The following MGAT4C variants were observed in gnomAD, a reference collection of about 807,000 sequenced individuals.
MGAT4C encodes alpha-1,3-mannosyl-glycoprotein 4-beta-N-acetylglucosaminyltransferase C.
Under a neutral mutation model 40.1 loss-of-function variants are expected in MGAT4C, and 19 were observed. The observed-to-expected ratio is 0.47, with a 90% CI of 0.33 to 0.70. The LOEUF is 0.70. MGAT4C is among the 30% of genes least tolerant of loss of function. The pLI is 0.02. For synonymous variants in MGAT4C, 181 were observed against 187.1 expected, an observed-to-expected ratio of 0.97 and a Z score of 0.27; for missense variants, 491 against 563.2, an observed-to-expected ratio of 0.87 and a Z score of 1.30.
At position 86,179,377 on chromosome 12, in the gene MGAT4C, A is replaced by G. The variant is rs565237294; in HGVS notation, c.-57+76862T>C. Among the ~76,000 whole-genome samples, 7 of 152,304 alleles carry G rather than the reference A, an allele frequency of 4.6e-5. No homozygotes were observed. In the South Asian group the frequency reaches 1.4e-3, roughly 32 times the overall value. On this transcript the variant is annotated intron_variant, in intron 1 of 4. Transcript: ENST00000611864. ...AAACAAACTAATACAGTAAGTTGGT[A>G]CCAGTAGTGGGATGTTGCTGAAAAG...
intron 4 of MGAT4C, among the ~76,000 whole-genome samples, chr12:86,328,507 A>T (rs1396393187): frequency 2.0e-5 from 3 of 152,164 alleles, no homozygotes; most frequent in Non-Finnish European, 2.9e-5. Flanking sequence ...ATAAAAATTA[A>T]TTGTATTTCT....
chr12:86,365,238 C>T (rs540839338), intron 3 of MGAT4C, among the ~76,000 whole-genome samples: 78 of 152,274 alleles, frequency 5.1e-4, no homozygotes, highest in African/African-American at 1.4e-3. Context: ...GGCTCTGTTC[C>T]GCCCGGCTCA....
intron 2 of MGAT4C, among the ~76,000 whole-genome samples, chr12:86,502,617 G>GTA (rs10550912): frequency 6.1e-5 from 9 of 146,634 alleles, no homozygotes; most frequent in Non-Finnish European, 9.0e-5. Context: ...ATATATATAT[G>GTA]TATATATATA....
At chr12:86,494,332 T>C (rs1422727263) in intron 2 of MGAT4C, among the ~76,000 whole-genome samples, 1 of 151,972 alleles carries the variant, frequency 6.6e-6, no homozygotes, top group Non-Finnish European at 1.5e-5. Context: ...TCAAATTTTA[T>C]TTGATAAAAG....
chr12:86,055,390 A>T (rs1893285058), intron 1 of MGAT4C, among the ~76,000 whole-genome samples: 1 of 152,094 alleles, frequency 6.6e-6, no homozygotes, highest in Admixed American at 6.6e-5. Flanking sequence ...TAGAGAATAT[A>T]TGAGCTGAAA....
In MGAT4C at chr12:86,603,749, T is replaced by A. The variant is rs1197082879; in HGVS notation, c.-229+123460A>T. On this transcript the variant is annotated intron_variant, in intron 2 of 7. Transcript: ENST00000548651. ...CTATATAATTATATATACTATATATTATATATAATATATAGTATAATTATA... is the reference window on the plus strand; with the variant it reads ...CTATATAATTATATATACTATATATAATATATAATATATAGTATAATTATA... 4.2e-4 allele frequency among the ~76,000 whole-genome samples: 55 copies of A among 129,842 alleles called. No individual in the cohort carries two copies. The East Asian group carries it at 0.011, about 27-fold the overall frequency. 85.2% of individuals were successfully genotyped at this position (129,842 alleles called of 152,430 possible).
At chr12:86,167,845 T>A (rs1393008076) in intron 1 of MGAT4C, among the ~76,000 whole-genome samples, 2 of 152,190 alleles carry the variant, frequency 1.3e-5, no homozygotes, top group Admixed American at 1.3e-4. Flanking sequence ...GTGAACATTT[T>A]CAATTTAAGA....
intron 1 of MGAT4C, among the ~76,000 whole-genome samples, chr12:86,727,796 G>T (rs1950847234): frequency 6.6e-6 from 1 of 151,686 alleles, no homozygotes. Context: ...TGTTCATAAT[G>T]TATTTCTATA....
At chr12:86,009,668 T>G (rs886220322) in intron 2 of MGAT4C, among the ~76,000 whole-genome samples, 6 of 152,212 alleles carry the variant, frequency 3.9e-5, no homozygotes, top group Non-Finnish European at 7.3e-5. Flanking sequence ...TTAATTCTGC[T>G]TTTCTTTTAG....
chr12:86,347,762 A>T (rs989257805), intron 3 of MGAT4C, among the ~76,000 whole-genome samples: 4 of 152,222 alleles, frequency 2.6e-5, no homozygotes, highest in African/African-American at 9.6e-5. Flanking sequence ...GACCATAAGC[A>T]TAGTCCCCAT....
At chr12:86,486,920 G>A (rs183500459) in intron 2 of MGAT4C, among the ~76,000 whole-genome samples, 18 of 152,206 alleles carry the variant, frequency 1.2e-4, no homozygotes, top group Admixed American at 3.3e-4. Context: ...TTAATCAATC[G>A]TCAAATTTTC....
At chr12:86,646,799 T>C (rs566586424) in intron 2 of MGAT4C, among the ~76,000 whole-genome samples, 38 of 152,096 alleles carry the variant, frequency 2.5e-4, no homozygotes, top group African/African-American at 8.4e-4. Flanking sequence ...AATTTATTTA[T>C]GTATTGTTTT....
intron 1 of MGAT4C, among the ~76,000 whole-genome samples, chr12:86,154,564 G>A (rs2135779949): frequency 6.6e-6 from 1 of 152,230 alleles, no homozygotes; most frequent in Non-Finnish European, 1.5e-5. Context: ...GTGTGTGGAT[G>A]TTCTCTCTCA....
intron 2 of MGAT4C, among the ~76,000 whole-genome samples, chr12:86,695,038 CAG>C (rs1484638455): frequency 6.6e-6 from 1 of 152,132 alleles, no homozygotes; most frequent in African/African-American, 2.4e-5. Flanking sequence ...GATTAATAAA[CAG>C]AATATATAAG....
chr12:86,539,911 T>C (rs1959144064), intron 2 of MGAT4C, among the ~76,000 whole-genome samples: 1 of 152,238 alleles, frequency 6.6e-6, no homozygotes, highest in African/African-American at 2.4e-5. Context: ...TCTTTGTAGT[T>C]CCAGTATTAG....
chr12:86,429,783 A>ACCTTCATG (rs1442570255), intron 3 of MGAT4C, among the ~76,000 whole-genome samples: 1 of 152,008 alleles, frequency 6.6e-6, no homozygotes, highest in Non-Finnish European at 1.5e-5. Flanking sequence ...TTGATTGAAG[A>ACCTTCATG]CCTTCATGCT....
rs73387819 is a variant in MGAT4C, at chr12:86,430,624, A to T, written c.-120+4533T>A. ...GAGTACTGTGATGGATTTTGAGGTC[A>T]GTCACAAGATGTGTACTCTGGTCAG... is the stretch of plus-strand genomic sequence containing the variant. On this transcript the variant is annotated intron_variant, in intron 3 of 7. Coordinates refer to the MGAT4C transcript ENST00000548651. Among the ~76,000 whole-genome samples, 486 of 152,260 alleles carry T rather than the reference A, an allele frequency of 3.2e-3. 2 individuals carry two copies. Among genetic ancestry groups the T allele is most frequent in the African/African-American group, 0.011 (474 of 41,562 alleles).
chr12:86,420,774 G>GAC (rs1425979048), intron 3 of MGAT4C, among the ~76,000 whole-genome samples: 1 of 131,386 alleles, frequency 7.6e-6, no homozygotes, highest in African/African-American at 3.2e-5. Context: ...ATATTTACCT[G>GAC]ACATATATAT....
At chr12:86,522,750 T>C (rs1958816851) in intron 2 of MGAT4C, among the ~76,000 whole-genome samples, 1 of 152,170 alleles carries the variant, frequency 6.6e-6, no homozygotes, top group South Asian at 2.1e-4. Flanking sequence ...GTTGGTATGC[T>C]ATTTTTTACT....
Sources: allele counts gnomAD v4.1 joint callset (sites outside exome capture counted in the v4.1 genomes callset), GRCh38; gene constraint gnomAD v4.1.1; transcripts MANE v1.5; gene names NCBI Gene and HGNC (gene_info 2026-07-23, HGNC 2026-07-21).